Variants in PTPRT observed in about 807,000 individuals in gnomAD.
PTPRT encodes the protein protein tyrosine phosphatase receptor type T.
Under a neutral mutation model 176.8 loss-of-function variants are expected in PTPRT, and 56 were observed. The observed-to-expected ratio is 0.32, with a 90% CI of 0.26 to 0.40. PTPRT has a LOEUF of 0.40. Among genes scored for constraint, PTPRT ranks in the 10% least tolerant of loss-of-function variants. The probability of loss-of-function intolerance (pLI) is 1.00; values close to 1 mark genes in which losing one functional copy is unlikely to be tolerated. For synonymous variants in PTPRT, 783 were observed against 739.0 expected (o/e 1.06, Z -0.96); for missense variants, 1,540 against 1,908.2 (o/e 0.81, Z 3.60).
In PTPRT at chr20:42,098,450, C is replaced by A. The variant is rs1985518185; in HGVS notation, c.3817G>T (p.Val1273Leu). ...GCAGTGTCCATCTCATTCAGCATCA[C>A]CACAGAGGAGCAGTTGTAATCGAAC... ...LVFDYNCSSV[V>L]MLNEMDTAQF... Residue 1273 changes from valine to leucine, a missense_variant, in exon 27 of 31, where the codon GTG becomes TTG. By Grantham distance (32) the Val-to-Leu change is conservative (BLOSUM62 1). Around this residue, in one of 11 missense-constraint regions of PTPRT, gnomAD observed 342 missense variants for 394.0 expected, o/e 0.87. Coordinates refer to ENST00000373187, the MANE Select transcript of PTPRT (RefSeq NM_007050.6). 2 of 1,614,056 alleles carry A rather than the reference C, an allele frequency of 1.2e-6. No individual in the cohort carries two copies. Among genetic ancestry groups the A allele is most frequent in the South Asian group, 2.2e-5 (2 of 91,090 alleles).
rs191533814 is a variant in PTPRT, at chr20:42,855,536, A to C, written c.214+30271T>G. Among the ~76,000 whole-genome samples the C allele has an allele frequency of 3.9e-4, 54 of 139,124 alleles. No individual in the cohort carries two copies. In the East Asian group the frequency reaches 1.0e-2, roughly 26 times the overall value. The allele number at this position is 139,124 out of a possible 152,430, so 91.3% of individuals were successfully genotyped here. On this transcript the variant is annotated intron_variant, in intron 2 of 30. Coordinates refer to ENST00000373187, the MANE Select transcript of PTPRT (RefSeq NM_007050.6). ...AACCTCCACCTCCTGGGTTCAAGGG[A>C]TTCTCATGCCTCAGCCTCCCAAGTA...
chr20:42,256,524 A>T (rs560517039), intron 13 of PTPRT, among the ~76,000 whole-genome samples: 74 of 152,058 alleles, frequency 4.9e-4, no homozygotes, highest in African/African-American at 1.7e-3. Flanking sequence ...TGTATTTCAG[A>T]TACTTTACGC....
At chr20:43,020,120 A>G (rs1600652818) in intron 1 of PTPRT, among the ~76,000 whole-genome samples, 1 of 128,110 alleles carries the variant, frequency 7.8e-6, no homozygotes, top group African/African-American at 4.0e-5. Flanking sequence ...GTATATATAT[A>G]TATATATACA....
At chr20:43,097,996 A>G (rs2012236841) in intron 1 of PTPRT, among the ~76,000 whole-genome samples, 1 of 152,160 alleles carries the variant, frequency 6.6e-6, no homozygotes, top group South Asian at 2.1e-4. Context: ...GATGACCCCC[A>G]GGCTATGCCT....
At chr20:42,220,370 C>T (rs1249366088) in intron 15 of PTPRT, among the ~76,000 whole-genome samples, 2 of 152,092 alleles carry the variant, frequency 1.3e-5, no homozygotes, top group Non-Finnish European at 2.9e-5. Context: ...TATTAACAAG[C>T]TTGCGGATAT....
chr20:42,276,545 A>ATATATATT (rs1568731836), intron 13 of PTPRT, among the ~76,000 whole-genome samples: 11 of 63,384 alleles, frequency 1.7e-4, no homozygotes, highest in Non-Finnish European at 3.0e-4. Context: ...ATATATATAT[A>ATATATATT]TATATATATA....
At chr20:42,424,782 G>A (rs2059148265) in intron 9 of PTPRT, among the ~76,000 whole-genome samples, 1 of 150,078 alleles carries the variant, frequency 6.7e-6, no homozygotes, top group African/African-American at 2.5e-5. Context: ...ACAGTCCTTA[G>A]CAACATCTTT....
chr20:42,520,233 G>C (rs1033913555), intron 7 of PTPRT, among the ~76,000 whole-genome samples: 26 of 152,110 alleles, frequency 1.7e-4, no homozygotes, highest in African/African-American at 5.5e-4. Context: ...GTAAAATATA[G>C]TATAACTATA....
At chr20:42,705,700 C>T (rs945818233) in intron 6 of PTPRT, among the ~76,000 whole-genome samples, 20 of 152,094 alleles carry the variant, frequency 1.3e-4, no homozygotes, top group African/African-American at 4.6e-4. Context: ...TCCTCATTAC[C>T]TTGTCTCATT....
intron 7 of PTPRT, among the ~76,000 whole-genome samples, chr20:42,541,110 A>G (rs185600844): frequency 2.4e-3 from 363 of 152,350 alleles, no homozygotes; most frequent in Non-Finnish European, 4.0e-3. Flanking sequence ...CTATGCGCAC[A>G]TAGAACTTGG....
intron 1 of PTPRT, among the ~76,000 whole-genome samples, chr20:42,979,547 C>T (rs1205797439): frequency 6.6e-6 from 1 of 151,720 alleles, no homozygotes; most frequent in Non-Finnish European, 1.5e-5. Flanking sequence ...GGTGAAATGT[C>T]AAACAACTGA....
chr20:42,543,631 G>A (rs1407325622), intron 7 of PTPRT, among the ~76,000 whole-genome samples: 1 of 151,658 alleles, frequency 6.6e-6, no homozygotes, highest in Non-Finnish European at 1.5e-5. Context: ...ATGGCATCTA[G>A]AATGGCGAAT....
intron 15 of PTPRT, among the ~76,000 whole-genome samples, chr20:42,200,746 T>C (rs1991416450): frequency 6.6e-6 from 1 of 152,238 alleles, no homozygotes; most frequent in East Asian, 1.9e-4. Flanking sequence ...ATAGCTGTTA[T>C]AGTCTTATCA....
chr20:42,386,615 CTT>C lies in PTPRT; in HGVS notation c.1561-34332_1561-34331del, dbSNP rs564858673. ...GATCCTGCAAAGTAAGAATTATTATCTTCTTGGGAGGCTGAGGCAGGTGGATC... is the reference window on the plus strand; with the variant it reads ...GATCCTGCAAAGTAAGAATTATTATCCTTGGGAGGCTGAGGCAGGTGGATC... On this transcript the variant is annotated intron_variant, in intron 9 of 30. Transcript: ENST00000373187. 8.8e-3 allele frequency among the ~76,000 whole-genome samples: 1,339 copies of C among 152,326 alleles called. 9 individuals carry two copies. Among genetic ancestry groups the C allele is most frequent in the Non-Finnish European group, 0.012 (788 of 68,024 alleles).
chr20:42,207,021 A>T (rs943168007), intron 15 of PTPRT, among the ~76,000 whole-genome samples: 16 of 152,184 alleles, frequency 1.1e-4, no homozygotes, highest in Non-Finnish European at 1.8e-4. Context: ...GGCACCCCCC[A>T]GCAGGGGCAC....
intron 7 of PTPRT, among the ~76,000 whole-genome samples, chr20:42,594,853 C>G (rs965111987): frequency 1.3e-5 from 2 of 152,172 alleles, no homozygotes; most frequent in Non-Finnish European, 2.9e-5. Flanking sequence ...ATGAGTGGAT[C>G]ACCAGAATCA....
chr20:42,902,927 G>A (rs2145919375), intron 1 of PTPRT, among the ~76,000 whole-genome samples: 1 of 152,284 alleles, frequency 6.6e-6, no homozygotes, highest in Admixed American at 6.5e-5. Flanking sequence ...GTGTATGCTA[G>A]ACATTATTCT....
intron 13 of PTPRT, among the ~76,000 whole-genome samples, chr20:42,270,213 T>C (rs112267169): frequency 7.7e-4 from 110 of 143,646 alleles, no homozygotes; most frequent in African/African-American, 2.7e-3. Context: ...GATGAGTGTA[T>C]GCATAGAGGG....
intron 1 of PTPRT, among the ~76,000 whole-genome samples, chr20:43,165,772 A>T (rs967238857): frequency 2.6e-5 from 4 of 152,174 alleles, no homozygotes; most frequent in African/African-American, 9.7e-5. Flanking sequence ...TTTTTAAAAA[A>T]TTACTTTGGC....
Sources: allele counts gnomAD v4.1 joint callset (sites outside exome capture counted in the v4.1 genomes callset), GRCh38; gene constraint gnomAD v4.1.1; regional missense constraint gnomAD v4.1.1; transcripts MANE v1.5; gene names NCBI Gene and HGNC (gene_info 2026-07-23, HGNC 2026-07-21).